The following PDE10A variants were observed in gnomAD, a reference collection of about 807,000 sequenced individuals.
PDE10A encodes phosphodiesterase 10A.
PDE10A carries 39 observed loss-of-function variants against 97.7 expected under a neutral mutation model. The ratio of observed to expected loss-of-function variants is 0.40; its 90% CI spans 0.31 to 0.52. The LOEUF is 0.52. PDE10A is among the 20% of genes least tolerant of loss of function. The pLI is 0.56. For missense variants in PDE10A, 731 were observed against 1,047.8 expected (o/e 0.70, Z 4.17); for synonymous variants, 371 against 376.8 (o/e 0.98, Z 0.18).
chr6:165,794,362 C>G (rs1287915681), intron 1 of PDE10A, among the ~76,000 whole-genome samples: 1 of 151,790 alleles, frequency 6.6e-6, no homozygotes, highest in Non-Finnish European at 1.5e-5. Flanking sequence ...CAGATGCTCA[C>G]ACACACTCAT....
intron 18 of PDE10A, among the ~76,000 whole-genome samples, chr6:165,378,504 A>G (rs1784749860): frequency 6.6e-6 from 1 of 152,176 alleles, no homozygotes; most frequent in Admixed American, 6.5e-5. Context: ...CTTTGATCTA[A>G]TATACAGATG....
intron 1 of PDE10A, among the ~76,000 whole-genome samples, chr6:165,849,607 C>A (rs1397477466): frequency 6.6e-6 from 1 of 152,192 alleles, no homozygotes; most frequent in Non-Finnish European, 1.5e-5. Context: ...AATTCAATTT[C>A]TTCTTCTAAG....
rs1210981866 is a variant in PDE10A, at chr6:165,691,096, TCTTTCTCTCTCC to T, written c.-614-147540_-614-147529del. On this transcript the variant is annotated intron_variant, in intron 1 of 19. Coordinates refer to the PDE10A transcript ENST00000366882. ...CTCTTTCTCTCTCTCTCTCTCTCTC[TCTTTCTCTCTCC>T]CCCCCCCCATCAGTGCCTGTGGTCA... is the stretch of plus-strand genomic sequence containing the variant. Among the ~76,000 whole-genome samples, 6 of 35,702 alleles carry T rather than the reference TCTTTCTCTCTCC, an allele frequency of 1.7e-4. 1 individual carries two copies. The highest frequency in any genetic ancestry group is 1.8e-3 in the South Asian group (2 of 1,098). The allele number at this position is 35,702 out of a possible 152,430, so 23.4% of individuals were successfully genotyped here. A position where few individuals can be genotyped will look rare whatever the true frequency, so the allele number is the denominator to read the frequency against.
intron 1 of PDE10A, among the ~76,000 whole-genome samples, chr6:165,816,184 C>G (rs939582342): frequency 6.6e-6 from 1 of 152,148 alleles, no homozygotes; most frequent in Non-Finnish European, 1.5e-5. Flanking sequence ...CTCCTGACCT[C>G]GTGATCTGCC....
chr6:165,460,746 G>T (rs1169462858), intron 3 of PDE10A, among the ~76,000 whole-genome samples: 2 of 152,072 alleles, frequency 1.3e-5, no homozygotes, highest in East Asian at 3.8e-4. Flanking sequence ...ATAAATTTAT[G>T]GGGAAGAGAT....
intron 1 of PDE10A, among the ~76,000 whole-genome samples, chr6:165,642,266 C>A (rs932021165): frequency 3.3e-5 from 5 of 152,126 alleles, no homozygotes; most frequent in Admixed American, 1.3e-4. Flanking sequence ...CTAGATGCCC[C>A]GGATGAATGT....
At chr6:165,471,180 T>G (rs561092729) in intron 3 of PDE10A, among the ~76,000 whole-genome samples, 1 of 152,160 alleles carries the variant, frequency 6.6e-6, no homozygotes, top group Non-Finnish European at 1.5e-5. Context: ...TTGATTGCTC[T>G]ATTTTATTTT....
chr6:165,416,118 C>T lies in PDE10A; in HGVS notation c.1889+71G>A, dbSNP rs548042739. On this transcript the variant is annotated intron_variant, in intron 12 of 21. Coordinates refer to ENST00000539869, the MANE Select transcript of PDE10A (RefSeq NM_001385079.1). ...TGGGACGTGGAGAACTCAGGCTCCA[C>T]GGAAGAGGTTTCAGCTGAGTGGGAC... 5.3e-5 allele frequency: 53 copies of T among 996,622 alleles called. 1 individual carries two copies. The highest frequency in any genetic ancestry group is 4.5e-4 in the African/African-American group (28 of 62,678). 61.7% of individuals were successfully genotyped at this position (996,622 alleles called of 1,614,324 possible).
chr6:165,532,686 G>C (rs1411143669), intron 2 of PDE10A, among the ~76,000 whole-genome samples: 1 of 152,052 alleles, frequency 6.6e-6, no homozygotes, highest in Non-Finnish European at 1.5e-5. Context: ...GGTGAGACCC[G>C]ACCCATGACA....
At chr6:165,387,988 A>G (rs565821393) in intron 17 of PDE10A, among the ~76,000 whole-genome samples, 1 of 152,348 alleles carries the variant, frequency 6.6e-6, no homozygotes, top group East Asian at 1.9e-4. Flanking sequence ...GTTCAAGAAT[A>G]TGATAATCTA....
chr6:165,611,212 C>CTG (rs1787478255), intron 1 of PDE10A, among the ~76,000 whole-genome samples: 1 of 152,112 alleles, frequency 6.6e-6, no homozygotes, highest in African/African-American at 2.4e-5. Context: ...CTGTGGCAAA[C>CTG]TGTGTATGAA....
chr6:165,934,756 C>T (rs943754793), intron 1 of PDE10A, among the ~76,000 whole-genome samples: 8 of 152,072 alleles, frequency 5.3e-5, no homozygotes, highest in African/African-American at 1.9e-4. Flanking sequence ...CATGGATGGG[C>T]TCCCAATGTG....
At chr6:165,354,491 G>T (rs568305243) in intron 18 of PDE10A, among the ~76,000 whole-genome samples, 2 of 152,182 alleles carry the variant, frequency 1.3e-5, no homozygotes, top group Non-Finnish European at 2.9e-5. Context: ...GCTGGAGATG[G>T]TATCTTCACA....
intron 1 of PDE10A, among the ~76,000 whole-genome samples, chr6:165,556,416 G>T (rs1406368407): frequency 6.6e-6 from 1 of 152,230 alleles, no homozygotes; most frequent in African/African-American, 2.4e-5. Flanking sequence ...CTTGAAGACA[G>T]CTGTGATGGA....
rs1022186852 is a variant in PDE10A, at chr6:165,738,497, G to T, written c.-614-194929C>A. On this transcript the variant is annotated intron_variant, in intron 1 of 19. Coordinates refer to the PDE10A transcript ENST00000366882. ...TACGTGTGCATGTGTCTTTATAGCA[G>T]CATGATTTATAGTCCTTTGGGTATA... is the stretch of plus-strand genomic sequence containing the variant. Among the ~76,000 whole-genome samples the T allele has an allele frequency of 1.4e-4, 21 of 151,800 alleles. No homozygotes were observed. The East Asian group carries it at 3.1e-3, about 22-fold the overall frequency.
chr6:165,682,782 T>C (rs1003755819), intron 1 of PDE10A, among the ~76,000 whole-genome samples: 2 of 152,300 alleles, frequency 1.3e-5, no homozygotes, highest in East Asian at 3.9e-4. Context: ...CTATAGACCA[T>C]ATTTACCATC....
chr6:165,521,633 G>A (rs540737619), intron 2 of PDE10A, among the ~76,000 whole-genome samples: 3 of 152,266 alleles, frequency 2.0e-5, no homozygotes, highest in Non-Finnish European at 2.9e-5. Context: ...GGTCCCTCAC[G>A]TCAAAGCCTA....
intron 1 of PDE10A, among the ~76,000 whole-genome samples, chr6:165,720,907 G>A (rs1178221481): frequency 2.0e-5 from 3 of 152,210 alleles, no homozygotes; most frequent in African/African-American, 4.8e-5. Flanking sequence ...GAGGGTCTAA[G>A]GAGGTCCATT....
At chr6:165,769,690 T>C (rs1170702843) in intron 1 of PDE10A, among the ~76,000 whole-genome samples, 1 of 152,124 alleles carries the variant, frequency 6.6e-6, no homozygotes, top group African/African-American at 2.4e-5. Flanking sequence ...ATGGAAAACA[T>C]TAGCAAAATT....
Sources: allele counts gnomAD v4.1 joint callset (sites outside exome capture counted in the v4.1 genomes callset), GRCh38; gene constraint gnomAD v4.1.1; transcripts MANE v1.5; gene names NCBI Gene and HGNC (gene_info 2026-07-23, HGNC 2026-07-21).